Variants in PGM5 observed in about 807,000 individuals in gnomAD.
PGM5 encodes the protein phosphoglucomutase 5.
In PGM5, 23 loss-of-function variants were observed where a neutral mutation model predicts 59.2. The observed-to-expected ratio is 0.39, with a 90% CI of 0.28 to 0.55. The LOEUF is 0.55. Among genes scored for constraint, PGM5 ranks in the 20% least tolerant of loss-of-function variants. The probability of loss-of-function intolerance (pLI) is 0.66; values close to 1 mark genes in which losing one functional copy is unlikely to be tolerated. For synonymous variants in PGM5, 214 were observed against 286.0 expected (o/e 0.75, Z 2.54); for missense variants, 574 against 748.3 (o/e 0.77, Z 2.72).
Position 68,483,933 on chromosome 9 carries a change from C to G in PGM5, c.1364C>G (p.Thr455Arg), listed in dbSNP as rs1270247695. Residue 455 changes from threonine (T) to arginine (R), a missense_variant, in exon 9 of 11, where the codon ACA becomes AGA. Physicochemically the swap from Thr to Arg is moderately conservative, Grantham distance 71. Transcript: ENST00000396396. ...YIMRDLEALV[T>R]DKSFIGQQFA... ...ATGAGGGACCTGGAGGCCCTGGTCA[C>G]AGACAAATCCTTCATTGGCCAGCAG... 6.2e-7 allele frequency: 1 copy of G among 1,614,042 alleles called. No homozygotes were observed. Among genetic ancestry groups the G allele is most frequent in the Non-Finnish European group, 8.5e-7 (1 of 1,180,018 alleles).
At chr9:68,465,982 T>A (rs782533971) in intron 7 of PGM5, among the ~76,000 whole-genome samples, 7 of 152,190 alleles carry the variant, frequency 4.6e-5, no homozygotes, top group Non-Finnish European at 7.3e-5. Flanking sequence ...TTTGTTGTTG[T>A]TCATTAATTT....
At chr9:68,386,010 A>G (rs1822208253) in intron 3 of PGM5, among the ~76,000 whole-genome samples, 1 of 151,598 alleles carries the variant, frequency 6.6e-6, no homozygotes, top group Admixed American at 6.6e-5. Flanking sequence ...TGTCAAGAGC[A>G]TGAACTATAT....
intron 2 of PGM5, among the ~76,000 whole-genome samples, chr9:68,381,923 C>G (rs1822087173): frequency 6.6e-6 from 1 of 151,842 alleles, no homozygotes. Flanking sequence ...GATCATGGAT[C>G]AAAAACATTA....
chr9:68,440,250 T>C (rs1823504823), intron 6 of PGM5, among the ~76,000 whole-genome samples: 1 of 152,176 alleles, frequency 6.6e-6, no homozygotes, highest in African/African-American at 2.4e-5. Flanking sequence ...TTTACATTTA[T>C]AGAACCCTCC....
intron 9 of PGM5, among the ~76,000 whole-genome samples, chr9:68,493,022 G>T (rs956587939): frequency 6.6e-6 from 1 of 152,166 alleles, no homozygotes; most frequent in African/African-American, 2.4e-5. Flanking sequence ...TCACATGCCT[G>T]CTGTGGCCAA....
chr9:68,509,688 G>C (rs1824715735), intron 10 of PGM5, among the ~76,000 whole-genome samples: 1 of 107,110 alleles, frequency 9.3e-6, no homozygotes, highest in Non-Finnish European at 2.2e-5. Context: ...GATTCTCTGG[G>C]AAAGGTAAGG....
Position 68,426,680 on chromosome 9 carries a change from A to G in PGM5, c.1043+34207A>G, listed in dbSNP as rs567463521. Reference sequence around the variant, plus strand: ...GAAGGGAGGTTGTGGAGTCAAAGTGAATGACCATTTTTTTAACTAACCTGT... The same window carrying G: ...GAAGGGAGGTTGTGGAGTCAAAGTGGATGACCATTTTTTTAACTAACCTGT... On this transcript the variant is annotated intron_variant, in intron 6 of 10. Transcript: ENST00000396396. Among the ~76,000 whole-genome samples, 5 of 151,048 alleles carry G rather than the reference A, an allele frequency of 3.3e-5. 1 individual carries two copies. The East Asian group carries it at 7.8e-4, about 24-fold the overall frequency.
intron 6 of PGM5, among the ~76,000 whole-genome samples, chr9:68,424,681 GT>G (rs1422428841): frequency 1.1e-4 from 17 of 152,156 alleles, no homozygotes; most frequent in African/African-American, 4.1e-4. Flanking sequence ...TATAAAGCAA[GT>G]TTCTTAACTT....
intron 8 of PGM5, among the ~76,000 whole-genome samples, chr9:68,483,315 G>C (rs1241066780): frequency 1.3e-5 from 2 of 152,234 alleles, no homozygotes; most frequent in African/African-American, 4.8e-5. Context: ...AGCTGCCTTA[G>C]ATAGATGGTC....
chr9:68,380,514 A>G (rs1822040477), intron 2 of PGM5, among the ~76,000 whole-genome samples: 3 of 151,976 alleles, frequency 2.0e-5, no homozygotes, highest in Admixed American at 2.0e-4. Flanking sequence ...CTAAATAAGT[A>G]GACTAACATT....
intron 10 of PGM5, among the ~76,000 whole-genome samples, chr9:68,525,666 G>A (rs1256055750): frequency 6.6e-6 from 1 of 152,182 alleles, no homozygotes; most frequent in African/African-American, 2.4e-5. Context: ...ATTGCCTAAC[G>A]ATGCATTTCT....
chr9:68,457,854 G>A (rs1481448509), intron 6 of PGM5, among the ~76,000 whole-genome samples: 1 of 151,094 alleles, frequency 6.6e-6, no homozygotes, highest in Non-Finnish European at 1.5e-5. Context: ...AAAATACAAA[G>A]CAAAGCAAAA....
intron 6 of PGM5, among the ~76,000 whole-genome samples, chr9:68,451,756 G>C (rs1460922297): frequency 6.6e-6 from 1 of 152,184 alleles, no homozygotes; most frequent in East Asian, 1.9e-4. Flanking sequence ...TGTCCTTAGG[G>C]AACTTGAGGA....
chr9:68,376,525 T>TG (rs2131989711), intron 1 of PGM5, among the ~76,000 whole-genome samples: 1 of 126,756 alleles, frequency 7.9e-6, no homozygotes, highest in East Asian at 2.1e-4. Context: ...GTGTGTGTGT[T>TG]TTGATCTCTT....
At chr9:68,468,752 G>A (rs1928254) in intron 7 of PGM5, among the ~76,000 whole-genome samples, 4 of 151,860 alleles carry the variant, frequency 2.6e-5, no homozygotes, top group South Asian at 2.1e-4. Context: ...TTTAATCTAC[G>A]TTTCTCTTCT....
At chr9:68,482,196 A>C (rs1015784901) in intron 8 of PGM5, among the ~76,000 whole-genome samples, 1 of 152,066 alleles carries the variant, frequency 6.6e-6, no homozygotes, top group African/African-American at 2.4e-5. Flanking sequence ...ACTGAACGTG[A>C]TCTATCATAT....
intron 8 of PGM5, 49 bp from the exon 9 acceptor site, chr9:68,483,816 A>T: frequency 6.4e-7 from 1 of 1,563,542 alleles, no homozygotes; most frequent in Non-Finnish European, 8.8e-7. Context: ...TGGGCCACCC[A>T]GTTGCTGGTT....
chr9:68,387,150 G>C (rs1554678916), intron 3 of PGM5, among the ~76,000 whole-genome samples: 1 of 151,998 alleles, frequency 6.6e-6, no homozygotes, highest in Admixed American at 6.6e-5. Flanking sequence ...GGGAGGGAAA[G>C]TGGGAGCAGG....
intron 9 of PGM5, among the ~76,000 whole-genome samples, chr9:68,492,866 A>C (rs1824417522): frequency 6.6e-6 from 1 of 152,202 alleles, no homozygotes; most frequent in African/African-American, 2.4e-5. Flanking sequence ...CTGCATGCCC[A>C]CTTCTACAAA....
Sources: gnomAD v4.1 joint callset for allele counts (sites outside exome capture counted in the v4.1 genomes callset) on GRCh38, gnomAD v4.1.1 for gene constraint, MANE v1.5 for transcripts, NCBI Gene and HGNC (gene_info 2026-07-23, HGNC 2026-07-21) for gene names.